HBS1L: variants seen among roughly 807,000 people sequenced by gnomAD.
HBS1L encodes HBS1 like translational GTPase.
Under a neutral mutation model 88.9 loss-of-function variants are expected in HBS1L, and 55 were observed. That is an observed-to-expected ratio of 0.62 (90% confidence interval 0.50 to 0.77). The LOEUF is 0.77. HBS1L is among the 30% of genes least tolerant of loss of function. The probability of loss-of-function intolerance (pLI) is 0.00; values close to 1 mark genes in which losing one functional copy is unlikely to be tolerated. For missense variants in HBS1L, 741 were observed against 829.3 expected (o/e 0.89, Z 1.31); for synonymous variants, 267 against 288.5 (o/e 0.93, Z 0.76).
chr6:134,982,562 T>C lies in HBS1L; in HGVS notation c.1493A>G (p.Asp498Gly). ...FRLCVSDVFK[D>G]QGSGFCITGK... ...AGTTATGCAAAATCCAGATCCTTGATCTGCAAAACATACCAAAATCTTATG... is the reference window on the plus strand; with the variant it reads ...AGTTATGCAAAATCCAGATCCTTGACCTGCAAAACATACCAAAATCTTATG... Residue 498 changes from aspartate (D) to glycine (G), a missense_variant and splice_region_variant, in exon 13 of 18, where the codon GAT becomes GGT. This residue lies in a region of HBS1L where 556 missense variants were observed against 598.4 expected (regional missense o/e 0.93). Coordinates refer to ENST00000367837, the MANE Select transcript of HBS1L (RefSeq NM_006620.4). The C allele has an allele frequency of 6.3e-7, 1 of 1,580,252 alleles. No homozygotes were observed. The highest frequency in any genetic ancestry group is 8.7e-7 in the Non-Finnish European group (1 of 1,150,574).
At chr6:135,012,315 T>C (rs1166953944) in intron 4 of HBS1L, among the ~76,000 whole-genome samples, 1 of 152,204 alleles carries the variant, frequency 6.6e-6, no homozygotes. Context: ...TCCTATATCA[T>C]ATCACTATGC....
rs1342816401 is a variant in HBS1L at position 134,987,772 on chromosome 6, AC to A, written c.1102del (p.Val368LeufsTer2). 1 of 1,595,986 alleles carries A rather than the reference AC, an allele frequency of 6.3e-7. No individual in the cohort carries two copies. Among genetic ancestry groups the A allele is most frequent in the African/African-American group, 1.4e-5 (1 of 73,970 alleles). ...AAACTCTCCCCTGCTGGCATCTACA[AC>A]TAAAACAGCTACATCCGCCTAAAGA... ...GAAQADVAVLVVDASRGEFEA... is the reference protein window; with the variant it reads ...GAAQADVAVLXVDASRGEFEA... On this transcript the variant is annotated frameshift_variant, in exon 9 of 18. Transcript: ENST00000367837. LOFTEE classifies it high-confidence loss of function.
At chr6:134,994,074 T>A (rs917655250) in intron 7 of HBS1L, among the ~76,000 whole-genome samples, 199 bp from the exon 8 acceptor site, 2 of 152,058 alleles carry the variant, frequency 1.3e-5, no homozygotes, top group Non-Finnish European at 2.9e-5. Context: ...GGTTTTAACA[T>A]AAAAGGGAGG....
At chr6:134,969,195 G>T in intron 16 of HBS1L, 43 bp downstream of exon 16, 1 of 1,242,274 alleles carries the variant, frequency 8.0e-7, no homozygotes, top group Non-Finnish European at 1.2e-6. Flanking sequence ...TTAAAAAATT[G>T]GCTTAAATTG....
chr6:135,025,604 T>C (rs1776205307), intron 4 of HBS1L, among the ~76,000 whole-genome samples: 1 of 152,048 alleles, frequency 6.6e-6, no homozygotes, highest in Non-Finnish European at 1.5e-5. Flanking sequence ...ACCACACCCC[T>C]CCCATTATTC....
At chr6:135,002,920 T>C in intron 4 of HBS1L, 78 bp from the exon 5 acceptor site, 3 of 673,972 alleles carry the variant, frequency 4.5e-6, no homozygotes, top group Non-Finnish European at 7.0e-6. Context: ...GTATTTTAAA[T>C]TATAGATTAT....
chr6:135,034,552 G>A lies in HBS1L; in HGVS notation c.430+5021C>T, dbSNP rs1159941900. Among the ~76,000 whole-genome samples, 3 of 152,206 alleles carry A rather than the reference G, an allele frequency of 2.0e-5. No individual in the cohort carries two copies. In the East Asian group the frequency reaches 5.8e-4, roughly 29 times the overall value. On this transcript the variant is annotated intron_variant, in intron 4 of 17. Coordinates refer to ENST00000367837, the MANE Select transcript of HBS1L (RefSeq NM_006620.4). ...CCAGCTACTCGGGGGGCTGACACAGGAGAATCGCTTGAACCCGAGAGGCGG... is the reference window on the plus strand; with the variant it reads ...CCAGCTACTCGGGGGGCTGACACAGAAGAATCGCTTGAACCCGAGAGGCGG...
chr6:135,013,934 A>T (rs1367436405), intron 4 of HBS1L, among the ~76,000 whole-genome samples: 1 of 152,198 alleles, frequency 6.6e-6, no homozygotes, highest in Non-Finnish European at 1.5e-5. Flanking sequence ...AGAAGTATAC[A>T]GGAAGATATG....
intron 8 of HBS1L, among the ~76,000 whole-genome samples, chr6:134,992,968 T>C (rs956724665): frequency 6.6e-5 from 10 of 152,180 alleles, no homozygotes; most frequent in Non-Finnish European, 1.5e-4. Context: ...TTTTTATCTT[T>C]TATGCCCTAT....
Position 134,965,258 on chromosome 6 carries a change from C to T in HBS1L, c.*21G>A, listed in dbSNP as rs1471151631. ...TTAGCTATTTCACTGTATCCAGAAA[C>T]GTGGTAGAAATTCTGACCCATCATT... On this transcript the variant is annotated 3_prime_UTR_variant, in exon 18 of 18. Transcript: ENST00000367837. The T allele has an allele frequency of 9.6e-6, 15 of 1,564,502 alleles. No individual in the cohort carries two copies. The highest frequency in any genetic ancestry group is 1.2e-5 in the Non-Finnish European group (14 of 1,139,146).
At chr6:135,039,423 G>A (rs931493531) in intron 4 of HBS1L, 150 bp downstream of exon 4, 5 of 650,928 alleles carry the variant, frequency 7.7e-6, no homozygotes, top group Admixed American at 3.1e-5. Flanking sequence ...TCCACAACTA[G>A]ATCAACTGAT....
Position 134,996,961 on chromosome 6 carries a change from G to C in HBS1L, c.800-19C>G, listed in dbSNP as rs1775305825. On this transcript the variant is annotated intron_variant, in intron 6 of 17. Transcript: ENST00000367837. The stretch of plus-strand genomic sequence containing the variant: ...ACATGACCTAAAGAAAATTGATTCA[G>C]GATTAATACCAGGTACATTTCCAGA... 1 of 1,540,370 alleles carries C rather than the reference G, an allele frequency of 6.5e-7. No homozygotes were observed.
At chr6:134,965,551 G>A (rs1335028374) in intron 17 of HBS1L, among the ~76,000 whole-genome samples, 9 of 152,156 alleles carry the variant, frequency 5.9e-5, no homozygotes, top group Non-Finnish European at 1.0e-4. Flanking sequence ...TGATATTGAT[G>A]GCAACGATAT....
intron 4 of HBS1L, among the ~76,000 whole-genome samples, chr6:135,020,655 T>C (rs1776045996): frequency 6.6e-6 from 1 of 152,038 alleles, no homozygotes; most frequent in Non-Finnish European, 1.5e-5. Context: ...GTATAATCTT[T>C]CTGAAGAAGT....
At chr6:135,049,419 C>T in intron 2 of HBS1L, among the ~76,000 whole-genome samples, 1 of 152,100 alleles carries the variant, frequency 6.6e-6, no homozygotes. Context: ...TCTGGGGAAA[C>T]AAACATTCAG....
intron 15 of HBS1L, among the ~76,000 whole-genome samples, chr6:134,972,799 A>G (rs1156918065): frequency 6.6e-6 from 1 of 152,248 alleles, no homozygotes; most frequent in Non-Finnish European, 1.5e-5. Flanking sequence ...CAAATGGCCA[A>G]TAAGCACATG....
At chr6:135,003,381 G>A (rs1775519097) in intron 4 of HBS1L, among the ~76,000 whole-genome samples, 1 of 152,068 alleles carries the variant, frequency 6.6e-6, no homozygotes, top group South Asian at 2.1e-4. Context: ...AGGGAAAGAG[G>A]TTAATGTAGA....
intron 7 of HBS1L, among the ~76,000 whole-genome samples, chr6:134,994,215 A>G (rs1443242012): frequency 2.6e-5 from 4 of 152,108 alleles, no homozygotes; most frequent in African/African-American, 9.7e-5. Context: ...GCATATGAGA[A>G]AAGACAAATG....
intron 4 of HBS1L, among the ~76,000 whole-genome samples, chr6:135,028,258 A>T (rs1012620386): frequency 7.6e-6 from 1 of 131,118 alleles, no homozygotes; most frequent in African/African-American, 3.2e-5. Flanking sequence ...ACAAATTGCA[A>T]GGTAATAAAA....
Sources: gnomAD v4.1 joint callset for allele counts (sites outside exome capture counted in the v4.1 genomes callset) on GRCh38, gnomAD v4.1.1 for gene constraint, gnomAD v4.1.1 regional missense constraint, MANE v1.5 for transcripts, NCBI Gene and HGNC (gene_info 2026-07-23, HGNC 2026-07-21) for gene names.